The following SBF2 variants were observed in gnomAD, a reference collection of about 807,000 sequenced individuals.
SBF2 encodes the protein myotubularin-related protein 13.
Under a neutral mutation model 225.2 loss-of-function variants are expected in SBF2, and 112 were observed. The observed-to-expected ratio is 0.50, with a 90% CI of 0.43 to 0.58. SBF2 has a LOEUF of 0.58. Ranked by LOEUF, SBF2 falls within the 20% of genes least tolerant of loss-of-function variation. The pLI is 0.00. For missense variants in SBF2, 1,996 were observed against 2,206.2 expected (o/e 0.90, Z 1.91); for synonymous variants, 763 against 773.3 (o/e 0.99, Z 0.22).
intron 23 of SBF2, among the ~76,000 whole-genome samples, chr11:9,846,752 C>T (rs1424198229): frequency 6.6e-6 from 1 of 152,172 alleles, no homozygotes; most frequent in African/African-American, 2.4e-5. Flanking sequence ...TCTGCTGGTA[C>T]TCTGAGTTGG....
chr11:10,173,300 C>T (rs1027808654), intron 2 of SBF2, among the ~76,000 whole-genome samples: 2 of 152,140 alleles, frequency 1.3e-5, no homozygotes, highest in Admixed American at 6.5e-5. Context: ...TCAGTGGGTG[C>T]GTGCACCGTG....
At chr11:9,962,222 G>C in intron 15 of SBF2, 116 bp from the exon 16 acceptor site, 1 of 896,858 alleles carries the variant, frequency 1.1e-6, no homozygotes, top group Non-Finnish European at 1.8e-6. Context: ...ATAGTTATTA[G>C]TAAAATTAAA....
intron 16 of SBF2, among the ~76,000 whole-genome samples, chr11:9,908,083 A>G (rs932102616): frequency 2.0e-5 from 3 of 152,222 alleles, no homozygotes; most frequent in African/African-American, 7.2e-5. Context: ...ATAATTCATG[A>G]AAAAGAAACC....
At chr11:10,184,059 T>C (rs1195799433) in intron 2 of SBF2, among the ~76,000 whole-genome samples, 1 of 152,242 alleles carries the variant, frequency 6.6e-6, no homozygotes, top group Non-Finnish European at 1.5e-5. Context: ...TCCACCATTA[T>C]ACATTGCATA....
At chr11:10,225,330 AG>A (rs1348548376) in intron 1 of SBF2, among the ~76,000 whole-genome samples, 3 of 152,044 alleles carry the variant, frequency 2.0e-5, no homozygotes, top group Admixed American at 1.3e-4. Flanking sequence ...AAAAGACACA[AG>A]TGGAACATGA....
At chr11:9,870,063 G>C (rs1858596856) in intron 17 of SBF2, among the ~76,000 whole-genome samples, 1 of 151,974 alleles carries the variant, frequency 6.6e-6, no homozygotes, top group South Asian at 2.1e-4. Flanking sequence ...ACCAACAACA[G>C]GCAAGCAGAG....
At position 9,850,035 on chromosome 11, in the gene SBF2, G is replaced by A; in HGVS notation, c.2794C>T (p.His932Tyr). Residue 932 changes from histidine to tyrosine, a missense_variant, in exon 22 of 40, where the codon CAT (histidine) becomes TAT (tyrosine). Coordinates refer to ENST00000256190, the MANE Select transcript of SBF2 (RefSeq NM_030962.4). ...TATCGAGTCATACCTAACTGATCAT[G>A]GGGTGTTCCTCTGAAGAGAATTCTG... Reference protein sequence around the residue: ...TYRILFRGTPHDQLVGEQTVV... With the variant: ...TYRILFRGTPYDQLVGEQTVV... 1 of 1,613,862 alleles carries A rather than the reference G, an allele frequency of 6.2e-7. No homozygotes were observed. Among genetic ancestry groups the A allele is most frequent in the Non-Finnish European group, 8.5e-7 (1 of 1,179,868 alleles).
At position 10,272,043 on chromosome 11, in the gene SBF2, T is replaced by C. The variant is rs1215908420; in HGVS notation, c.55+21972A>G. 1.1e-5 allele frequency: 12 copies of C among 1,129,190 alleles called. 4 individuals carry two copies. Among genetic ancestry groups the C allele is most frequent in the Non-Finnish European group, 1.5e-5 (12 of 804,026 alleles). The allele number at this position is 1,129,190 out of a possible 1,614,324, so 69.9% of individuals were successfully genotyped here. A position where few individuals can be genotyped will look rare whatever the true frequency, so the allele number is the denominator to read the frequency against. Reference sequence around the variant, plus strand: ...TTGAAGGCATTCCTCAGCAAACTTCTCTCGAGTCTTCAGAGTAAAGCACAG... The same window carrying C: ...TTGAAGGCATTCCTCAGCAAACTTCCCTCGAGTCTTCAGAGTAAAGCACAG... On this transcript the variant is annotated intron_variant, in intron 1 of 39. Coordinates refer to ENST00000256190, the MANE Select transcript of SBF2 (RefSeq NM_030962.4).
intron 28 of SBF2, among the ~76,000 whole-genome samples, chr11:9,824,331 G>A (rs753834101): frequency 6.6e-6 from 1 of 152,076 alleles, no homozygotes; most frequent in Non-Finnish European, 1.5e-5. Flanking sequence ...GGCTGAGGTG[G>A]GTGAATCACG....
intron 17 of SBF2, among the ~76,000 whole-genome samples, chr11:9,868,092 TG>T (rs1247012592): frequency 6.6e-6 from 1 of 152,126 alleles, no homozygotes; most frequent in African/African-American, 2.4e-5. Flanking sequence ...ACCGTATACA[TG>T]TATCAAAATA....
rs1867112558 is a variant in SBF2 at position 9,968,495 on chromosome 11, T to G, written c.1446A>C (p.Glu482Asp). 6.2e-7 allele frequency: 1 copy of G among 1,614,020 alleles called. No individual in the cohort carries two copies. Among genetic ancestry groups the G allele is most frequent in the South Asian group, 1.1e-5 (1 of 91,074 alleles). ...MAFQKVPRPTEGSHLRVHILP... is the reference protein window; with the variant it reads ...MAFQKVPRPTDGSHLRVHILP... The stretch of plus-strand genomic sequence containing the variant: ...GAATATGAACTCGCAAATGGGATCC[T>G]TCTGTTGGCCGTGGAACTTTCTGGA... The change falls in exon 14 of 40, where the codon GAA (glutamate) becomes GAC (aspartate). Residue 482 changes from glutamate to aspartate, a missense_variant. Physicochemically the swap from Glu to Asp is conservative, Grantham distance 45. Transcript: ENST00000256190.
At chr11:9,878,942 G>A (rs1010584346) in intron 17 of SBF2, among the ~76,000 whole-genome samples, 11 of 152,042 alleles carry the variant, frequency 7.2e-5, no homozygotes, top group South Asian at 2.1e-4. Context: ...TTATCTTTAC[G>A]TCTCTCTTAT....
chr11:10,009,494 G>A (rs183450149), intron 6 of SBF2, among the ~76,000 whole-genome samples: 40 of 152,186 alleles, frequency 2.6e-4, no homozygotes, highest in Admixed American at 7.2e-4. Context: ...CCACTTATGA[G>A]TGAGAACATG....
intron 26 of SBF2, among the ~76,000 whole-genome samples, chr11:9,832,981 C>T (rs566599837): frequency 6.6e-6 from 1 of 152,294 alleles, no homozygotes; most frequent in African/African-American, 2.4e-5. Flanking sequence ...TACTTTTCCA[C>T]AACTTGAAAT....
rs557972580 is a variant in SBF2 at position 9,805,901 on chromosome 11, G to A, written c.4443+2099C>T. On this transcript the variant is annotated intron_variant, in intron 32 of 39. Transcript: ENST00000256190. ...CTCCCAAAGTGCTGGGATTACAGGCGTGAGCCACCACGCCCGACCAGGATA... is the reference window on the plus strand; with the variant it reads ...CTCCCAAAGTGCTGGGATTACAGGCATGAGCCACCACGCCCGACCAGGATA... Among the ~76,000 whole-genome samples the A allele has an allele frequency of 3.8e-3, 583 of 152,304 alleles. 4 individuals carry two copies. Among genetic ancestry groups the A allele is most frequent in the Non-Finnish European group, 6.1e-3 (414 of 68,026 alleles).
chr11:9,834,065 G>A (rs745772709), intron 26 of SBF2, among the ~76,000 whole-genome samples: 2 of 150,016 alleles, frequency 1.3e-5, no homozygotes, highest in Non-Finnish European at 3.0e-5. Flanking sequence ...CACTGCGCCC[G>A]GCCCATGGTA....
At chr11:9,959,264 C>G (rs1363419910) in intron 16 of SBF2, 1 of 775,262 alleles carries the variant, frequency 1.3e-6, no homozygotes, top group African/African-American at 1.7e-5. Flanking sequence ...TACAAGCAGG[C>G]CCGGTAATGA....
chr11:10,165,335 G>A (rs771637759), intron 2 of SBF2, among the ~76,000 whole-genome samples: 4 of 152,104 alleles, frequency 2.6e-5, no homozygotes, highest in Non-Finnish European at 5.9e-5. Context: ...GTGTGATATG[G>A]ATTAGATCAA....
intron 5 of SBF2, among the ~76,000 whole-genome samples, chr11:10,029,339 T>C (rs1949166188): frequency 6.6e-6 from 1 of 152,196 alleles, no homozygotes; most frequent in Non-Finnish European, 1.5e-5. Flanking sequence ...CAAAGAACTG[T>C]GTTGAGAGTT....
Sources: gnomAD v4.1 joint callset for allele counts (sites outside exome capture counted in the v4.1 genomes callset) on GRCh38, gnomAD v4.1.1 for gene constraint, MANE v1.5 for transcripts, NCBI Gene and HGNC (gene_info 2026-07-23, HGNC 2026-07-21) for gene names.